Variants in PRORP observed in about 807,000 individuals in gnomAD.
The protein encoded by PRORP is protein only RNase P catalytic subunit, also known as mitochondrial ribonuclease P catalytic subunit.
A neutral mutation model predicts 59.4 loss-of-function variants in PRORP; 51 were observed. The ratio of observed to expected loss-of-function variants is 0.86; its 90% CI spans 0.69 to 1.08. The LOEUF (loss-of-function observed/expected upper bound fraction) is 1.08, where lower values mean the gene tolerates loss of function less well. Among genes scored for constraint, PRORP ranks in the 50% least tolerant of loss-of-function variants. The probability of loss-of-function intolerance (pLI) is 0.00; values close to 1 mark genes in which losing one functional copy is unlikely to be tolerated. For synonymous variants in PRORP, 231 were observed against 245.6 expected, an observed-to-expected ratio of 0.94 and a Z score of 0.55; for missense variants, 646 against 690.3, an observed-to-expected ratio of 0.94 and a Z score of 0.72.
intron 5 of PRORP, among the ~76,000 whole-genome samples, chr14:35,240,074 C>CA (rs773150066): frequency 0.42 from 44,803 of 106,730 alleles, 8,629 homozygotes; most frequent in East Asian, 0.71. Flanking sequence ...GACTCCATCT[C>CA]AAAAAAAAAA....
chr14:35,195,760 T>G (rs2048993568), intron 5 of PRORP, among the ~76,000 whole-genome samples: 1 of 152,130 alleles, frequency 6.6e-6, no homozygotes, highest in African/African-American at 2.4e-5. Flanking sequence ...ATCTATTTTT[T>G]TAACTATATA....
intron 4 of PRORP, among the ~76,000 whole-genome samples, chr14:35,163,594 C>T (rs994572558): frequency 2.0e-5 from 3 of 152,036 alleles, no homozygotes; most frequent in Non-Finnish European, 2.9e-5. Context: ...ATGTCTTTTG[C>T]CTGTTTTTTA....
chr14:35,144,666 T>A (rs1263313408), intron 4 of PRORP, among the ~76,000 whole-genome samples: 1 of 146,038 alleles, frequency 6.8e-6, no homozygotes, highest in Non-Finnish European at 1.5e-5. Context: ...TTTGATACTA[T>A]GCCCAAACTC....
At chr14:35,149,254 A>G (rs151001218) in intron 4 of PRORP, among the ~76,000 whole-genome samples, 1,876 of 151,548 alleles carry the variant, frequency 0.012, 33 homozygotes, top group African/African-American at 0.04. Context: ...TCATTCTGTC[A>G]TCCAGGCTGG....
intron 3 of PRORP, 149 bp from the exon 4 acceptor site, chr14:35,127,330 C>T (rs1401645613): frequency 1.8e-5 from 10 of 561,388 alleles, no homozygotes; most frequent in Non-Finnish European, 2.8e-5. Flanking sequence ...ATCAGGTTTA[C>T]AAAAAATTAG....
chr14:35,245,344 C>G (rs1326767943), intron 5 of PRORP, among the ~76,000 whole-genome samples: 1 of 152,134 alleles, frequency 6.6e-6, no homozygotes, highest in African/African-American at 2.4e-5. Flanking sequence ...ATTCTGTGCT[C>G]CAGTTAAAAG....
At chr14:35,229,422 T>G (rs2050016348) in intron 5 of PRORP, among the ~76,000 whole-genome samples, 1 of 152,182 alleles carries the variant, frequency 6.6e-6, no homozygotes, top group South Asian at 2.1e-4. Context: ...TTTCTATAGT[T>G]TGAGGTTTTA....
At chr14:35,240,957 G>C (rs1187466111) in intron 5 of PRORP, among the ~76,000 whole-genome samples, 5 of 152,130 alleles carry the variant, frequency 3.3e-5, no homozygotes, top group African/African-American at 1.2e-4. Context: ...AAAAAATTGT[G>C]TCTGTACTAA....
intron 4 of PRORP, chr14:35,158,984 C>T: frequency 5.6e-6 from 2 of 355,974 alleles, no homozygotes; most frequent in South Asian, 2.5e-5. Flanking sequence ...GGGAGATTGG[C>T]AAATCCCACA....
At chr14:35,172,538 C>G (rs1375038130) in intron 4 of PRORP, among the ~76,000 whole-genome samples, 1 of 144,684 alleles carries the variant, frequency 6.9e-6, no homozygotes, top group East Asian at 2.0e-4. Flanking sequence ...CTCTCCTGTC[C>G]TCTCCTCTCC....
chr14:35,182,979 A>C (rs915241852), intron 5 of PRORP, among the ~76,000 whole-genome samples: 7 of 152,188 alleles, frequency 4.6e-5, no homozygotes, highest in Non-Finnish European at 1.5e-5. Context: ...AATATCTATC[A>C]ATCTTAAGCC....
intron 5 of PRORP, among the ~76,000 whole-genome samples, chr14:35,246,664 T>G (rs543219214): frequency 6.6e-6 from 1 of 152,322 alleles, no homozygotes; most frequent in Non-Finnish European, 1.5e-5. Flanking sequence ...TATATTATAG[T>G]TTTAATGGAA....
rs1295937140 is a variant in PRORP, at chr14:35,137,489, A to G, written c.1167+9878A>G. On this transcript the variant is annotated intron_variant, in intron 4 of 7. Transcript: ENST00000534898. Reference sequence around the variant, plus strand: ...TGATACCTGCTGTGTTAAGTGGTATACAAGATGAGAGAGATGAGAGTCAAG... The same window carrying G: ...TGATACCTGCTGTGTTAAGTGGTATGCAAGATGAGAGAGATGAGAGTCAAG... Among the ~76,000 whole-genome samples the G allele has an allele frequency of 9.7e-5, 14 of 144,806 alleles. 1 individual carries two copies. The Admixed American group carries it at 1.0e-3, about 10-fold the overall frequency. 95.0% of individuals were successfully genotyped at this position (144,806 alleles called of 152,430 possible).
chr14:35,221,507 G>A (rs1595337068), intron 5 of PRORP, among the ~76,000 whole-genome samples: 1 of 151,930 alleles, frequency 6.6e-6, no homozygotes, highest in Non-Finnish European at 1.5e-5. Flanking sequence ...TGTTTGTCTT[G>A]ATTGGGGAGT....
chr14:35,202,160 G>A (rs942987345), intron 5 of PRORP, among the ~76,000 whole-genome samples: 3 of 151,184 alleles, frequency 2.0e-5, no homozygotes, highest in Admixed American at 2.0e-4. Flanking sequence ...TAGTAGAGAC[G>A]GGGTTTCACC....
At chr14:35,209,791 C>T (rs777062255) in intron 5 of PRORP, among the ~76,000 whole-genome samples, 5 of 152,214 alleles carry the variant, frequency 3.3e-5, no homozygotes, top group African/African-American at 7.2e-5. Flanking sequence ...CGTCCTCGGC[C>T]TCCCAAAGTG....
intron 1 of PRORP, 109 bp from the exon 2 acceptor site, chr14:35,122,843 G>C (rs1454982090): frequency 5.5e-6 from 1 of 182,730 alleles, no homozygotes; most frequent in African/African-American, 2.4e-5. Context: ...TACGGTTTTG[G>C]CTTTACACCC....
intron 4 of PRORP, among the ~76,000 whole-genome samples, chr14:35,128,292 G>GT (rs1412988007): frequency 2.8e-5 from 4 of 144,436 alleles, no homozygotes; most frequent in African/African-American, 7.8e-5. Flanking sequence ...TTTTTTTGTT[G>GT]TTTTTTGGGT....
intron 5 of PRORP, among the ~76,000 whole-genome samples, chr14:35,225,128 C>A (rs967476906): frequency 2.0e-5 from 3 of 152,006 alleles, no homozygotes; most frequent in Non-Finnish European, 4.4e-5. Context: ...ATGTATTAAT[C>A]TTTATTGTTT....
Sources: gnomAD v4.1 joint callset for allele counts (sites outside exome capture counted in the v4.1 genomes callset) on GRCh38, gnomAD v4.1.1 for gene constraint, MANE v1.5 for transcripts, NCBI Gene and HGNC (gene_info 2026-07-23, HGNC 2026-07-21) for gene names.